Variants in ZNF626 observed in about 807,000 individuals in gnomAD.
ZNF626 encodes zinc finger protein 626.
Under a neutral mutation model 11.7 loss-of-function variants are expected in ZNF626, and 4 were observed. The observed-to-expected ratio is 0.34, with a 90% CI of 0.17 to 0.78. The LOEUF (loss-of-function observed/expected upper bound fraction) is 0.78, where lower values mean the gene tolerates loss of function less well. Among genes scored for constraint, ZNF626 ranks in the 30% least tolerant of loss-of-function variants. The probability of loss-of-function intolerance (pLI) is 0.57; values close to 1 mark genes in which losing one functional copy is unlikely to be tolerated. For synonymous variants in ZNF626, 179 were observed against 198.6 expected, an observed-to-expected ratio of 0.90 and a Z score of 0.83; for missense variants, 588 against 587.1, an observed-to-expected ratio of 1.00 and a Z score of -0.01.
chr19:20,658,978 A>T (rs1159847326), intron 1 of ZNF626, among the ~76,000 whole-genome samples: 1 of 152,226 alleles, frequency 6.6e-6, no homozygotes, highest in Non-Finnish European at 1.5e-5. Flanking sequence ...GATGCAGCCC[A>T]GGAAAAGCCA....
intron 3 of ZNF626, among the ~76,000 whole-genome samples, chr19:20,626,316 C>CA (rs1390183807): frequency 6.6e-6 from 1 of 152,054 alleles, no homozygotes; most frequent in Non-Finnish European, 1.5e-5. Flanking sequence ...GTAAAAATCT[C>CA]AAAGATTACA....
intron 1 of ZNF626, among the ~76,000 whole-genome samples, chr19:20,653,365 G>C (rs1970168391): frequency 6.6e-6 from 1 of 152,186 alleles, no homozygotes; most frequent in Non-Finnish European, 1.5e-5. Context: ...TGCAAAGATA[G>C]AAAGATGGTC....
intron 1 of ZNF626, among the ~76,000 whole-genome samples, chr19:20,651,459 G>C (rs181659313): frequency 9.2e-4 from 140 of 151,896 alleles, no homozygotes; most frequent in African/African-American, 3.3e-3. Flanking sequence ...ATCTGTTTGG[G>C]TCTCCAGATC....
At chr19:20,658,630 G>C (rs73010257) in intron 1 of ZNF626, among the ~76,000 whole-genome samples, 7,765 of 152,222 alleles carry the variant, frequency 0.051, 266 homozygotes, top group Non-Finnish European at 0.069. Context: ...CAAATACCCA[G>C]AGCTTTGTTC....
chr19:20,659,870 G>T (rs1417016111), intron 1 of ZNF626, among the ~76,000 whole-genome samples: 1 of 151,974 alleles, frequency 6.6e-6, no homozygotes, highest in East Asian at 1.9e-4. Context: ...GCTTTCCAAG[G>T]CTTTGTAGCT....
intron 1 of ZNF626, among the ~76,000 whole-genome samples, chr19:20,654,524 C>T (rs1010974913): frequency 2.0e-5 from 3 of 151,172 alleles, no homozygotes; most frequent in Admixed American, 6.6e-5. Context: ...CTGGCTAACA[C>T]GGTGAAACCC....
intron 3 of ZNF626, among the ~76,000 whole-genome samples, chr19:20,626,067 CT>C (rs1969828265): frequency 6.6e-6 from 1 of 151,390 alleles, no homozygotes; most frequent in South Asian, 2.1e-4. Context: ...TCAAGACCAT[CT>C]TGGCAAAGAT....
At chr19:20,654,566 G>C (rs185689259) in intron 1 of ZNF626, among the ~76,000 whole-genome samples, 12 of 151,578 alleles carry the variant, frequency 7.9e-5, no homozygotes, top group Admixed American at 6.6e-4. Context: ...AAAATTAGCT[G>C]GGCGTGGTGG....
chr19:20,623,661 T>TGGG lies in ZNF626; in HGVS notation c.*626_*628dup, dbSNP rs1397629654. ...TAAAAATACAAAAGTTAGCTGGGCATGGGGGTGGGCACCTGTAATCCCCCT... is the reference window on the plus strand; with the variant it reads ...TAAAAATACAAAAGTTAGCTGGGCATGGGGGGGGTGGGCACCTGTAATCCCCCT... On this transcript the variant is annotated 3_prime_UTR_variant, in exon 4 of 4. Coordinates refer to ENST00000601440, the MANE Select transcript of ZNF626 (RefSeq NM_001076675.3). The TGGG allele has an allele frequency of 1.6e-5, 3 of 182,750 alleles. No individual in the cohort carries two copies. Among genetic ancestry groups the TGGG allele is most frequent in the Non-Finnish European group, 3.4e-5 (3 of 87,092 alleles). The allele number at this position is 182,750 out of a possible 1,614,324, so 11.3% of individuals were successfully genotyped here. A position where few individuals can be genotyped will look rare whatever the true frequency, so the allele number is the denominator to read the frequency against.
chr19:20,644,038 C>A (rs1970049753), intron 3 of ZNF626, among the ~76,000 whole-genome samples: 1 of 152,190 alleles, frequency 6.6e-6, no homozygotes, highest in Non-Finnish European at 1.5e-5. Context: ...CAAACTCCTC[C>A]CAAGCCAGAG....
rs144032934 is a variant in ZNF626 at position 20,658,873 on chromosome 19, G to A, written c.3+2571C>T. On this transcript the variant is annotated intron_variant, in intron 1 of 3. Coordinates refer to ENST00000601440, the MANE Select transcript of ZNF626 (RefSeq NM_001076675.3). Reference sequence around the variant, plus strand: ...TCTGAGCTACTGTTTGAAAACTGAGGACTCCCAAAACCTCCCTGAAGTTCA... The same window carrying A: ...TCTGAGCTACTGTTTGAAAACTGAGAACTCCCAAAACCTCCCTGAAGTTCA... 6.2e-4 allele frequency among the ~76,000 whole-genome samples: 94 copies of A among 152,174 alleles called. No individual in the cohort carries two copies. The East Asian group carries it at 0.012, about 20-fold the overall frequency.
rs1370492671 is a variant in ZNF626, at chr19:20,625,525, T to C, written c.352A>G (p.Ile118Val). Reference sequence around the variant, plus strand: ...TGCACCTTACACTCATCCACACTTATACATCCTTTTTTTAACTGTAAATTG... The same window carrying C: ...TGCACCTTACACTCATCCACACTTACACATCCTTTTTTTAACTGTAAATTG... ...HDNLQLKKGC[I>V]SVDECKVHKE... is the part of the protein sequence containing the mutation. The change falls in exon 4 of 4, where the codon ATA (isoleucine) becomes GTA (valine). Residue 118 changes from isoleucine (I) to valine (V), a missense_variant. Around this residue, in one of 4 missense-constraint regions of ZNF626, gnomAD observed 524 missense variants for 470.1 expected, o/e 1.11. Transcript: ENST00000601440. 9.3e-6 allele frequency: 15 copies of C among 1,613,566 alleles called. No homozygotes were observed. In the African/African-American group the frequency reaches 1.1e-4, roughly 11 times the overall value.
intron 3 of ZNF626, among the ~76,000 whole-genome samples, chr19:20,626,579 A>G (rs782594751): frequency 8.6e-5 from 13 of 151,880 alleles, no homozygotes; most frequent in Non-Finnish European, 1.8e-4. Context: ...CTAGCTGGGC[A>G]TGGTGGCATG....
chr19:20,641,887 T>C (rs1442172324), intron 3 of ZNF626, among the ~76,000 whole-genome samples: 1 of 150,760 alleles, frequency 6.6e-6, no homozygotes, highest in Non-Finnish European at 1.5e-5. Flanking sequence ...AAATTTAAGA[T>C]GGTAAATGTT....
At position 20,620,215 on chromosome 19, in the gene ZNF626, A is replaced by G. The variant is rs1969741771; in HGVS notation, c.*4075T>C. ...CTTTAATACACGGATTCTGGGGAGA[A>G]TCCGAGCCATAAGCCATAAAATTTT... On this transcript the variant is annotated 3_prime_UTR_variant, in exon 4 of 4. Transcript: ENST00000601440. 6.6e-6 allele frequency: 1 copy of G among 152,122 alleles called. No homozygotes were observed. The highest frequency in any genetic ancestry group is 1.5e-5 in the Non-Finnish European group (1 of 68,022). 9.4% of individuals were successfully genotyped at this position (152,122 alleles called of 1,614,324 possible).
intron 3 of ZNF626, among the ~76,000 whole-genome samples, chr19:20,641,262 CAA>C (rs1257655354): frequency 1.3e-5 from 2 of 151,712 alleles, no homozygotes; most frequent in African/African-American, 4.8e-5. Flanking sequence ...AAAAATACGT[CAA>C]AAAATATAAC....
In ZNF626 at chr19:20,625,443, C is replaced by T. The variant is rs782698739; in HGVS notation, c.434G>A (p.Cys145Tyr). The change falls in exon 4 of 4, where the codon TGT becomes TAT. Residue 145 changes from cysteine (C) to tyrosine (Y), a missense_variant. Cys to Tyr is a radical substitution (Grantham distance 194, BLOSUM62 -2). Around this residue, in one of 4 missense-constraint regions of ZNF626, gnomAD observed 524 missense variants for 470.1 expected, o/e 1.11. Coordinates refer to ENST00000601440, the MANE Select transcript of ZNF626 (RefSeq NM_001076675.3). ...QCLTTTPRKI[C>Y]QCDKYVKVLH... ...GACTTTCACATATTTATCACATTGA[C>T]ATATTTTTCTTGGGGTAGTTGTCAA... The T allele has an allele frequency of 1.2e-6, 2 of 1,614,050 alleles. No individual in the cohort carries two copies. Among genetic ancestry groups the T allele is most frequent in the Admixed American group, 1.7e-5 (1 of 59,986 alleles).
chr19:20,630,951 C>G (rs1250385024), intron 3 of ZNF626, among the ~76,000 whole-genome samples: 1 of 151,608 alleles, frequency 6.6e-6, no homozygotes, highest in Non-Finnish European at 1.5e-5. Context: ...TTGAATGTGT[C>G]CCAGAGATTC....
intron 1 of ZNF626, among the ~76,000 whole-genome samples, chr19:20,659,720 A>ATTT (rs34827728): frequency 1.3e-4 from 19 of 150,038 alleles, no homozygotes; most frequent in African/African-American, 2.4e-4. Flanking sequence ...TTAGGAATTC[A>ATTT]TTTTTTTTTT....
Sources: gnomAD v4.1 joint callset for allele counts (sites outside exome capture counted in the v4.1 genomes callset) on GRCh38, gnomAD v4.1.1 for gene constraint, gnomAD v4.1.1 regional missense constraint, MANE v1.5 for transcripts, NCBI Gene and HGNC (gene_info 2026-07-23, HGNC 2026-07-21) for gene names.